Variants in AP3B1 observed in about 807,000 individuals in gnomAD.
AP3B1 encodes the protein AP-3 complex subunit beta-1.
In AP3B1, 61 loss-of-function variants were observed where a neutral mutation model predicts 132.5. The ratio of observed to expected loss-of-function variants is 0.46; its 90% confidence interval spans 0.37 to 0.57. AP3B1 has a LOEUF of 0.57. Ranked by LOEUF, AP3B1 falls within the 20% of genes least tolerant of loss-of-function variation. AP3B1 has a pLI of 0.00. For missense variants in AP3B1, 1,120 were observed against 1,289.4 expected (o/e 0.87, Z 2.01); for synonymous variants, 388 against 438.3 (o/e 0.89, Z 1.43).
chr5:78,034,583 G>T (rs975874381), intron 23 of AP3B1, 138 bp from the exon 24 acceptor site: 4 of 694,154 alleles, frequency 5.8e-6, no homozygotes, highest in Non-Finnish European at 7.7e-6. Flanking sequence ...TTCAAACTAA[G>T]AATATTAAAG....
At chr5:78,291,978 C>A (rs115738419) in intron 1 of AP3B1, among the ~76,000 whole-genome samples, 1 of 151,968 alleles carries the variant, frequency 6.6e-6, no homozygotes, top group African/African-American at 2.4e-5. Context: ...AACATGAATA[C>A]GTATATGTGC....
intron 11 of AP3B1, among the ~76,000 whole-genome samples, chr5:78,167,632 TACACACAC>T (rs77249088): frequency 6.8e-6 from 1 of 146,102 alleles, no homozygotes; most frequent in South Asian, 2.1e-4. Flanking sequence ...GTTATATATA[TACACACAC>T]ACACACACAC....
At chr5:78,028,674 A>G (rs2112081565) in intron 24 of AP3B1, among the ~76,000 whole-genome samples, 1 of 152,284 alleles carries the variant, frequency 6.6e-6, no homozygotes, top group East Asian at 1.9e-4. Flanking sequence ...ATTTATAACT[A>G]CAACTGATGT....
chr5:78,274,640 C>T (rs1748694557), intron 1 of AP3B1, among the ~76,000 whole-genome samples: 1 of 152,144 alleles, frequency 6.6e-6, no homozygotes, highest in South Asian at 2.1e-4. Context: ...CATCCAGAGG[C>T]TGAGCATGGT....
chr5:78,268,318 A>G (rs1356708617), intron 1 of AP3B1, among the ~76,000 whole-genome samples: 1 of 152,154 alleles, frequency 6.6e-6, no homozygotes, highest in Non-Finnish European at 1.5e-5. Context: ...GTATTTTCCT[A>G]TTTACTTAAT....
intron 22 of AP3B1, among the ~76,000 whole-genome samples, chr5:78,063,817 A>T (rs958306702): frequency 6.6e-6 from 1 of 152,228 alleles, no homozygotes; most frequent in Non-Finnish European, 1.5e-5. Context: ...TAAAGTGTAC[A>T]TCAAATAAAA....
intron 11 of AP3B1, among the ~76,000 whole-genome samples, chr5:78,173,494 C>A (rs1744013427): frequency 6.6e-6 from 1 of 152,138 alleles, no homozygotes; most frequent in Admixed American, 6.5e-5. Context: ...TTGAATTGAT[C>A]CCTTTACCAT....
intron 12 of AP3B1, among the ~76,000 whole-genome samples, chr5:78,164,237 A>G (rs1743517929): frequency 6.6e-6 from 1 of 152,180 alleles, no homozygotes; most frequent in African/African-American, 2.4e-5. Flanking sequence ...TGAGCATAAC[A>G]CAAACATAGA....
chr5:78,153,198 C>T (rs1469375120), intron 14 of AP3B1, among the ~76,000 whole-genome samples: 2 of 152,108 alleles, frequency 1.3e-5, no homozygotes, highest in Non-Finnish European at 2.9e-5. Flanking sequence ...GTAACATTTG[C>T]TTTATATATC....
chr5:78,010,867 C>G (rs1746591625), intron 26 of AP3B1, among the ~76,000 whole-genome samples: 1 of 149,630 alleles, frequency 6.7e-6, no homozygotes, highest in East Asian at 1.9e-4. Flanking sequence ...CAATGTATAT[C>G]TCATTAAAAT....
intron 22 of AP3B1, chr5:78,041,823 C>CT (rs564868666): frequency 2.2e-4 from 34 of 153,550 alleles, no homozygotes; most frequent in East Asian, 1.4e-3. Context: ...TCTTTCTTTT[C>CT]TTTTTTTTTG....
Position 78,244,868 on chromosome 5 carries a change from G to T in AP3B1, c.205-3932C>A, listed in dbSNP as rs1747307460. Among the ~76,000 whole-genome samples the T allele has an allele frequency of 2.0e-5, 3 of 152,136 alleles. No homozygotes were observed. The South Asian group carries it at 6.2e-4, about 32-fold the overall frequency. On this transcript the variant is annotated intron_variant, in intron 2 of 26. Transcript: ENST00000255194. ...AAATTAGCTGGGTGTGGTGGTACGT[G>T]CCTGTAATCCCAGCTACTCAGGAGG...
At chr5:78,150,779 T>TTTA (rs1561441103) in intron 14 of AP3B1, among the ~76,000 whole-genome samples, 1 of 151,968 alleles carries the variant, frequency 6.6e-6, no homozygotes, top group Non-Finnish European at 1.5e-5. Flanking sequence ...TTATTTATTT[T>TTTA]TTTTTTACAT....
intron 22 of AP3B1, among the ~76,000 whole-genome samples, chr5:78,083,422 C>T (rs1204517227): frequency 1.3e-5 from 2 of 152,168 alleles, no homozygotes; most frequent in Non-Finnish European, 2.9e-5. Flanking sequence ...ACAAGTTATT[C>T]TTATTTCACA....
At chr5:78,134,533 GTTTC>G (rs548066386) in intron 15 of AP3B1, among the ~76,000 whole-genome samples, 8 of 151,852 alleles carry the variant, frequency 5.3e-5, no homozygotes, top group South Asian at 2.1e-4. Context: ...CATCTAATTA[GTTTC>G]TTTCTTTCTT....
intron 17 of AP3B1, among the ~76,000 whole-genome samples, chr5:78,118,395 G>A (rs569787660): frequency 3.3e-5 from 5 of 152,318 alleles, no homozygotes; most frequent in East Asian, 1.9e-4. Context: ...CTCAGGAAGC[G>A]CAAGGGGTCA....
intron 22 of AP3B1, among the ~76,000 whole-genome samples, chr5:78,082,770 T>C (rs557582480): frequency 1.3e-5 from 2 of 152,128 alleles, no homozygotes. Flanking sequence ...GAATCACAGA[T>C]AGTATATCTC....
chr5:78,087,296 T>C (rs940786378), intron 22 of AP3B1, among the ~76,000 whole-genome samples: 3 of 152,200 alleles, frequency 2.0e-5, no homozygotes, highest in African/African-American at 4.8e-5. Context: ...TTTCCTCTGA[T>C]GTCTTCTGTC....
At position 78,034,474 on chromosome 5, in the gene AP3B1, AAC is replaced by A. The variant is rs762007305; in HGVS notation, c.2810-31_2810-30del. 2.0e-6 allele frequency: 3 copies of A among 1,525,584 alleles called. No homozygotes were observed. In the African/African-American group the frequency reaches 4.1e-5, roughly 21 times the overall value. 94.5% of individuals were successfully genotyped at this position (1,525,584 alleles called of 1,614,324 possible). ...GGAAATAAGATAATTTAGACATGAAAACACAGAGGATGTGAAAAAGAGGCAAA... is the reference window on the plus strand; with the variant it reads ...GGAAATAAGATAATTTAGACATGAAAACAGAGGATGTGAAAAAGAGGCAAA... On this transcript the variant is annotated intron_variant, in intron 23 of 26. Coordinates refer to ENST00000255194, the MANE Select transcript of AP3B1 (RefSeq NM_003664.5).
Sources: gnomAD v4.1 joint callset for allele counts (sites outside exome capture counted in the v4.1 genomes callset) on GRCh38, gnomAD v4.1.1 for gene constraint, MANE v1.5 for transcripts, NCBI Gene and HGNC (gene_info 2026-07-23, HGNC 2026-07-21) for gene names.